Variants in SNX29 observed in about 807,000 individuals in gnomAD.
The protein encoded by SNX29 is sorting nexin-29.
A neutral mutation model predicts 102.1 loss-of-function variants in SNX29; 78 were observed. The ratio of observed to expected loss-of-function variants is 0.76; its 90% CI spans 0.64 to 0.92. The LOEUF is 0.92. Among genes scored for constraint, SNX29 ranks in the 40% least tolerant of loss-of-function variants. The pLI is 0.00. For missense variants in SNX29, 1,280 were observed against 1,061.7 expected (o/e 1.21, Z -2.86); for synonymous variants, 580 against 414.5 (o/e 1.40, Z -4.85).
At chr16:12,370,376 G>A (rs373822928) in intron 16 of SNX29, among the ~76,000 whole-genome samples, 3 of 152,218 alleles carry the variant, frequency 2.0e-5, no homozygotes, top group South Asian at 2.1e-4. Context: ...CCTGGCCAAC[G>A]TGGTGAAAAC....
intron 16 of SNX29, 78 bp downstream of exon 16, chr16:12,356,357 G>C (rs1021853342): frequency 2.7e-5 from 37 of 1,363,836 alleles, no homozygotes; most frequent in Middle Eastern, 4.9e-4. Context: ...GAGACTCACA[G>C]AGCAAGCAAC....
chr16:12,132,974 G>T (rs1351238015), intron 13 of SNX29, among the ~76,000 whole-genome samples: 2 of 152,220 alleles, frequency 1.3e-5, no homozygotes, highest in African/African-American at 4.8e-5. Flanking sequence ...AACTGTCAGT[G>T]TTGGCTGACA....
chr16:12,515,770 G>A (rs1454757327), intron 19 of SNX29, among the ~76,000 whole-genome samples: 6 of 152,106 alleles, frequency 3.9e-5, no homozygotes, highest in Non-Finnish European at 7.4e-5. Flanking sequence ...TTCAAGGCAC[G>A]GTGCCTTGGA....
intron 15 of SNX29, among the ~76,000 whole-genome samples, chr16:12,282,108 AT>A (rs1555503742): frequency 0.025 from 3,607 of 146,910 alleles, 193 homozygotes; most frequent in East Asian, 0.22. Context: ...AAAAAAAAAA[AT>A]GCAGAGCTGG....
chr16:12,531,343 T>C (rs2076927131), intron 20 of SNX29, among the ~76,000 whole-genome samples: 1 of 152,140 alleles, frequency 6.6e-6, no homozygotes, highest in Admixed American at 6.5e-5. Flanking sequence ...GGCTGTGCTT[T>C]CCGAAGAGCA....
intron 14 of SNX29, among the ~76,000 whole-genome samples, chr16:12,242,590 C>CTTCTTCTTCTT (rs1174002447): frequency 6.7e-6 from 1 of 148,432 alleles, no homozygotes; most frequent in Admixed American, 6.7e-5. Context: ...TTCTTCTTCT[C>CTTCTTCTTCTT]TTCTTCTTCT....
At chr16:12,458,199 C>T (rs372690620) in intron 18 of SNX29, among the ~76,000 whole-genome samples, 2 of 152,148 alleles carry the variant, frequency 1.3e-5, no homozygotes, top group African/African-American at 4.8e-5. Flanking sequence ...GTGGCAGCCA[C>T]GTTCCATCTG....
intron 13 of SNX29, among the ~76,000 whole-genome samples, chr16:12,186,591 A>G: frequency 6.6e-6 from 1 of 152,130 alleles, no homozygotes; most frequent in East Asian, 1.9e-4. Context: ...GGCCAATTTA[A>G]CCTTTCATGG....
chr16:12,278,016 T>G lies in SNX29; in HGVS notation c.1762T>G (p.Tyr588Asp). The change falls in exon 15 of 21, where the codon TAC becomes GAC. Residue 588 changes from tyrosine (Y) to aspartate (D), a missense_variant. Tyr to Asp is a radical substitution (Grantham distance 160). Transcript: ENST00000566228. ...AATTGCTGAAGAACTCGCAAGCTCC[T>G]ACGAAAGAAAGCTCATCGAGGTAAG... ...GEIAEELASS[Y>D]ERKLIEVAEM... 1 of 1,603,338 alleles carries G rather than the reference T, an allele frequency of 6.2e-7. No individual in the cohort carries two copies. The highest frequency in any genetic ancestry group is 8.5e-7 in the Non-Finnish European group (1 of 1,174,826).
Position 12,486,303 on chromosome 16 carries a change from G to C in SNX29, c.2178+8444G>C, listed in dbSNP as rs1456622005. Among the ~76,000 whole-genome samples the C allele has an allele frequency of 2.6e-5, 4 of 152,264 alleles. 1 individual carries two copies. The highest frequency in any genetic ancestry group is 9.6e-5 in the African/African-American group (4 of 41,552). On this transcript the variant is annotated intron_variant, in intron 19 of 20. Transcript: ENST00000566228. ...TATCCAGGGTAATGTCCCTGTGTCA[G>C]GGCCCTTAATTTCACCTCCTCTGCA... is the stretch of plus-strand genomic sequence containing the variant.
intron 19 of SNX29, among the ~76,000 whole-genome samples, chr16:12,514,227 T>C (rs2089761565): frequency 6.6e-6 from 1 of 152,168 alleles, no homozygotes; most frequent in Non-Finnish European, 1.5e-5. Flanking sequence ...ATAGAAGGAA[T>C]AGCTGATTCT....
chr16:11,999,373 C>G lies in SNX29; in HGVS notation c.69+15C>G. 6.2e-7 allele frequency: 1 copy of G among 1,613,784 alleles called. No homozygotes were observed. Among genetic ancestry groups the G allele is most frequent in the Non-Finnish European group, 8.5e-7 (1 of 1,179,822 alleles). On this transcript the variant is annotated intron_variant, in intron 2 of 20. Transcript: ENST00000566228. ...CAGTGAAACAGGTAAGCAGAAAGCA[C>G]ACATTTGCCTTTTTGGTCGAGTAAT...
intron 11 of SNX29, among the ~76,000 whole-genome samples, chr16:12,115,255 T>C (rs2053648484): frequency 6.6e-6 from 1 of 152,076 alleles, no homozygotes; most frequent in South Asian, 2.1e-4. Flanking sequence ...TCCCATCCTA[T>C]CTGTGGTAGG....
intron 14 of SNX29, among the ~76,000 whole-genome samples, chr16:12,263,440 A>T (rs2078838845): frequency 6.6e-6 from 1 of 152,118 alleles, no homozygotes; most frequent in Non-Finnish European, 1.5e-5. Flanking sequence ...AACATCTTGA[A>T]TAGTTGTATG....
intron 20 of SNX29, among the ~76,000 whole-genome samples, chr16:12,534,963 C>G (rs1423094620): frequency 1.3e-5 from 2 of 152,202 alleles, no homozygotes; most frequent in Non-Finnish European, 2.9e-5. Context: ...GCAGAGTTAT[C>G]TGACCTGAAC....
chr16:12,104,273 T>C (rs554388323), intron 11 of SNX29, among the ~76,000 whole-genome samples: 1 of 152,198 alleles, frequency 6.6e-6, no homozygotes, highest in East Asian at 1.9e-4. Flanking sequence ...AAAAAACTTG[T>C]GTCCAGGTGT....
At chr16:12,426,102 G>T (rs116621476) in intron 18 of SNX29, among the ~76,000 whole-genome samples, 1,683 of 151,510 alleles carry the variant, frequency 0.011, 35 homozygotes, top group African/African-American at 0.038. Flanking sequence ...TTTTTAAAAA[G>T]ATACAGTACT....
chr16:12,524,155 G>A (rs146330140), intron 19 of SNX29, among the ~76,000 whole-genome samples: 4 of 152,264 alleles, frequency 2.6e-5, no homozygotes, highest in African/African-American at 9.6e-5. Flanking sequence ...TGGCCCACGC[G>A]TCCTAGTTTT....
rs8062928 is a variant in SNX29 at position 12,412,021 on chromosome 16, G to T, written c.2037+8492G>T. Among the ~76,000 whole-genome samples, 1,054 of 152,302 alleles carry T rather than the reference G, an allele frequency of 6.9e-3. 15 individuals carry two copies. The highest frequency in any genetic ancestry group is 0.024 in the African/African-American group (989 of 41,562). ...CCAAGGGCTTTACATGGGCTGCAAA[G>T]AGCAAGACAGCATTTTCCTAAGGTA... is the stretch of plus-strand genomic sequence containing the variant. On this transcript the variant is annotated intron_variant, in intron 18 of 20. Transcript: ENST00000566228.
Sources: gnomAD v4.1 joint callset for allele counts (sites outside exome capture counted in the v4.1 genomes callset) on GRCh38, gnomAD v4.1.1 for gene constraint, MANE v1.5 for transcripts, NCBI Gene and HGNC (gene_info 2026-07-23, HGNC 2026-07-21) for gene names.